Variants in PPARGC1B observed in about 807,000 individuals in gnomAD.
PPARGC1B encodes PPARG coactivator 1 beta, also known as peroxisome proliferator-activated receptor gamma coactivator 1-beta.
A neutral mutation model predicts 101.6 loss-of-function variants in PPARGC1B; 34 were observed. The ratio of observed to expected loss-of-function variants is 0.33; its 90% CI spans 0.25 to 0.45. The LOEUF is 0.45. Ranked by LOEUF, PPARGC1B falls within the 20% of genes least tolerant of loss-of-function variation. The pLI is 1.00. For synonymous variants in PPARGC1B, 548 were observed against 539.3 expected (o/e 1.02, Z -0.22); for missense variants, 1,234 against 1,317.6 (o/e 0.94, Z 0.98).
At chr5:149,739,619 C>T (rs1580998082) in intron 1 of PPARGC1B, among the ~76,000 whole-genome samples, 4 of 152,150 alleles carry the variant, frequency 2.6e-5, no homozygotes, top group Admixed American at 1.3e-4. Flanking sequence ...TTGCGAGGTG[C>T]GGTGGGCCTT....
In PPARGC1B at chr5:149,813,036, G is replaced by A. The variant is rs530280909; in HGVS notation, c.79-7397G>A. On this transcript the variant is annotated intron_variant, in intron 1 of 11. Transcript: ENST00000309241. ...TCCTTCCTAGAAGGTAAGTAGAGGC[G>A]CAGGGTCATAATGTAGAGTAGGCCC... 5.9e-5 allele frequency among the ~76,000 whole-genome samples: 9 copies of A among 152,276 alleles called. No homozygotes were observed. The South Asian group carries it at 1.9e-3, about 32-fold the overall frequency.
chr5:149,797,923 C>T (rs6865464), intron 1 of PPARGC1B, among the ~76,000 whole-genome samples: 1 of 147,576 alleles, frequency 6.8e-6, no homozygotes, highest in Non-Finnish European at 1.5e-5. Flanking sequence ...CCATCCCCAC[C>T]CCCCGCCAAA....
rs1477828735 is a variant in PPARGC1B, at chr5:149,849,664, C to T, written c.*2106C>T. 2.0e-5 allele frequency: 3 copies of T among 152,206 alleles called. No individual in the cohort carries two copies. The highest frequency in any genetic ancestry group is 7.2e-5 in the African/African-American group (3 of 41,460). The allele number at this position is 152,206 out of a possible 1,614,324, so 9.4% of individuals were successfully genotyped here. On this transcript the variant is annotated 3_prime_UTR_variant, in exon 12 of 12. Coordinates refer to ENST00000309241, the MANE Select transcript of PPARGC1B (RefSeq NM_133263.4). ...AAGGTTTCCAACAATCACACAAAAC[C>T]ATATGCTGGCTGGGTTTCATGCTGG...
rs758675341 is a variant in PPARGC1B, at chr5:149,834,692, T to C, written c.1724T>C (p.Met575Thr). The stretch of plus-strand genomic sequence containing the variant: ...TTTTCAGACTCTCCCAGGTGCCTCA[T>C]GCTGGCCTTGTCACAAAGGTAGATT... ...LPPRDSPRCL[M>T]LALSQSDPTF... Residue 575 changes from methionine (M) to threonine (T), a missense_variant, in exon 6 of 12, where the codon ATG (methionine) becomes ACG (threonine). Met to Thr is a moderately conservative substitution (Grantham distance 81, BLOSUM62 -1). Around this residue, in one of 3 missense-constraint regions of PPARGC1B, gnomAD observed 734 missense variants for 768.4 expected, o/e 0.96. Coordinates refer to ENST00000309241, the MANE Select transcript of PPARGC1B (RefSeq NM_133263.4). 2 of 1,613,648 alleles carry C rather than the reference T, an allele frequency of 1.2e-6. No homozygotes were observed. Among genetic ancestry groups the C allele is most frequent in the Non-Finnish European group, 1.7e-6 (2 of 1,179,532 alleles).
At chr5:149,743,579 G>A (rs1307090818) in intron 1 of PPARGC1B, among the ~76,000 whole-genome samples, 1 of 152,162 alleles carries the variant, frequency 6.6e-6, no homozygotes, top group Non-Finnish European at 1.5e-5. Flanking sequence ...ATAAATAGTT[G>A]TTGGATGACT....
intron 9 of PPARGC1B, 67 bp downstream of exon 9, chr5:149,840,183 T>C (rs892668620): frequency 2.7e-6 from 4 of 1,484,914 alleles, no homozygotes; most frequent in Non-Finnish European, 3.7e-6. Context: ...GGGGGCTTCA[T>C]GGACCAAAGC....
chr5:149,799,693 G>GTTTTTTTTTTTTTTTTTTTTTTT (rs11371560), intron 1 of PPARGC1B, among the ~76,000 whole-genome samples: 5 of 76,462 alleles, frequency 6.5e-5, no homozygotes, highest in Non-Finnish European at 6.7e-5. Context: ...GCTTGTTGTT[G>GTTTTTTTTTTTTTTTTTTTTTTT]TTTTTTTTTT....
chr5:149,796,704 T>A (rs888340895), intron 1 of PPARGC1B, among the ~76,000 whole-genome samples: 5 of 152,056 alleles, frequency 3.3e-5, no homozygotes, highest in Admixed American at 3.3e-4. Flanking sequence ...GACTGGCTGA[T>A]GGATGGCATG....
chr5:149,845,762 G>C lies in PPARGC1B; in HGVS notation c.2819G>C (p.Gly940Ala). The C allele has an allele frequency of 6.2e-7, 1 of 1,608,058 alleles. No individual in the cohort carries two copies. Among genetic ancestry groups the C allele is most frequent in the Non-Finnish European group, 8.5e-7 (1 of 1,175,590 alleles). The part of the protein sequence containing the change: ...ECEVLTRNRR[G>A]EKYGFITYRC... Reference sequence around the variant, plus strand: ...CTCTCCTTGCTCCCTCCCCGCAGAGGCGAGAAGTACGGCTTCATCACCTAC... The same window carrying C: ...CTCTCCTTGCTCCCTCCCCGCAGAGCCGAGAAGTACGGCTTCATCACCTAC... Residue 940 changes from glycine to alanine, a missense_variant and splice_region_variant, in exon 11 of 12, where the codon GGC becomes GCC. Around this residue, in one of 3 missense-constraint regions of PPARGC1B, gnomAD observed 497 missense variants for 529.5 expected, o/e 0.94. Transcript: ENST00000309241.
chr5:149,802,772 A>C (rs1261159846), intron 1 of PPARGC1B, among the ~76,000 whole-genome samples: 1 of 152,080 alleles, frequency 6.6e-6, no homozygotes, highest in Non-Finnish European at 1.5e-5. Context: ...TTGGCTTCCC[A>C]AACTTAAATG....
intron 1 of PPARGC1B, among the ~76,000 whole-genome samples, chr5:149,807,050 C>T (rs949499333): frequency 2.0e-5 from 3 of 151,838 alleles, no homozygotes; most frequent in East Asian, 1.9e-4. Context: ...GCCTCAACTT[C>T]CTGGGATCAG....
At chr5:149,786,529 G>A (rs1756816078) in intron 1 of PPARGC1B, among the ~76,000 whole-genome samples, 1 of 152,214 alleles carries the variant, frequency 6.6e-6, no homozygotes, top group Non-Finnish European at 1.5e-5. Context: ...GAGCCACTGT[G>A]CCCAGCCTCG....
intron 1 of PPARGC1B, among the ~76,000 whole-genome samples, chr5:149,761,070 G>A (rs1186615630): frequency 3.3e-5 from 5 of 152,124 alleles, no homozygotes; most frequent in African/African-American, 4.8e-5. Flanking sequence ...ATCCTGCTGC[G>A]GTGGCTTTTT....
chr5:149,806,464 G>C (rs1421408852), intron 1 of PPARGC1B, among the ~76,000 whole-genome samples: 1 of 152,188 alleles, frequency 6.6e-6, no homozygotes, highest in African/African-American at 2.4e-5. Context: ...TCTCAGCTGA[G>C]CCCTGGCCCT....
chr5:149,768,661 G>A (rs1374096838), intron 1 of PPARGC1B, among the ~76,000 whole-genome samples: 3 of 123,890 alleles, frequency 2.4e-5, no homozygotes, highest in Non-Finnish European at 3.7e-5. Context: ...GACTACAGGC[G>A]CCCACCACCA....
chr5:149,774,183 C>T (rs1001624659), intron 1 of PPARGC1B, among the ~76,000 whole-genome samples: 1 of 152,218 alleles, frequency 6.6e-6, no homozygotes, highest in African/African-American at 2.4e-5. Context: ...AGGGGTGGCA[C>T]CTTGCAGCAG....
In PPARGC1B at chr5:149,832,657, C is replaced by G; in HGVS notation, c.584C>G (p.Ala195Gly). 2 of 1,531,270 alleles carry G rather than the reference C, an allele frequency of 1.3e-6. No homozygotes were observed. The highest frequency in any genetic ancestry group is 1.8e-6 in the Non-Finnish European group (2 of 1,136,532). The allele number at this position is 1,531,270 out of a possible 1,614,324, so 94.9% of individuals were successfully genotyped here. Reference protein sequence around the residue: ...RSKSQRPCVKADSTQDKKAPM... With the variant: ...RSKSQRPCVKGDSTQDKKAPM... Reference sequence around the variant, plus strand: ...ACTCTGGCCTCTCTCCCTCTCTAGGCGGACAGCACCCAAGACAAGAAGGCT... The same window carrying G: ...ACTCTGGCCTCTCTCCCTCTCTAGGGGGACAGCACCCAAGACAAGAAGGCT... The change falls in exon 5 of 12, where the codon GCG becomes GGG. Residue 195 changes from alanine (A) to glycine (G), a missense_variant and splice_region_variant. Ala to Gly is a moderately conservative substitution (Grantham distance 60). Around this residue, in one of 3 missense-constraint regions of PPARGC1B, gnomAD observed 734 missense variants for 768.4 expected, o/e 0.96. Coordinates refer to ENST00000309241, the MANE Select transcript of PPARGC1B (RefSeq NM_133263.4). This position sits in a 1 kb window ranked among gnomAD's most constrained non-coding sequence, Gnocchi z 4.9.
At chr5:149,783,386 C>T (rs1756665990) in intron 1 of PPARGC1B, among the ~76,000 whole-genome samples, 1 of 152,126 alleles carries the variant, frequency 6.6e-6, no homozygotes. Flanking sequence ...AAGTCATGAC[C>T]TTGGGGGATT....
At chr5:149,821,157 CTGTTTG>C (rs1758281164) in intron 2 of PPARGC1B, among the ~76,000 whole-genome samples, 1 of 152,184 alleles carries the variant, frequency 6.6e-6, no homozygotes, top group African/African-American at 2.4e-5. Context: ...AGAGCTGTCC[CTGTTTG>C]TGTATATTAA....
Sources: allele counts gnomAD v4.1 joint callset (sites outside exome capture counted in the v4.1 genomes callset), GRCh38; gene constraint gnomAD v4.1.1; regional missense constraint gnomAD v4.1.1; non-coding constraint Gnocchi (gnomAD v3.1); transcripts MANE v1.5; gene names NCBI Gene and HGNC (gene_info 2026-07-23, HGNC 2026-07-21).